Variants in TNRC6C observed in about 807,000 individuals in gnomAD.
The protein encoded by TNRC6C is trinucleotide repeat containing adaptor 6C.
TNRC6C carries 20 observed loss-of-function variants against 153.7 expected under a neutral mutation model. The observed-to-expected ratio is 0.13, with a 90% CI of 0.09 to 0.19. TNRC6C has a LOEUF of 0.19. TNRC6C is among the 10% of genes least tolerant of loss of function. TNRC6C has a pLI of 1.00. For missense variants in TNRC6C, 1,987 were observed against 2,172.0 expected (o/e 0.91, Z 1.69); for synonymous variants, 811 against 841.4 (o/e 0.96, Z 0.63).
chr17:78,031,518 C>T, exon 2 of TNRC6C: 1 of 1,232,042 alleles, frequency 8.1e-7, no homozygotes, highest in Non-Finnish European at 1.0e-6. Context: ...CATTTTAGTG[C>T]CAGAACCTAC....
intron 1 of TNRC6C, among the ~76,000 whole-genome samples, chr17:78,027,033 G>A (rs144662661): frequency 3.8e-4 from 58 of 152,216 alleles, no homozygotes; most frequent in African/African-American, 1.3e-3. Context: ...AAGTATAAAA[G>A]AGTGGACAAC....
intron 1 of TNRC6C, among the ~76,000 whole-genome samples, chr17:78,023,370 G>T (rs1406104464): frequency 6.6e-6 from 1 of 152,146 alleles, no homozygotes; most frequent in Non-Finnish European, 1.5e-5. Context: ...AAAAATTTCT[G>T]TAGCTTGCTA....
intron 4 of TNRC6C, 113 bp from the exon 7 acceptor site, chr17:78,067,644 G>T (rs1046337046): frequency 1.7e-6 from 2 of 1,149,374 alleles, no homozygotes; most frequent in Non-Finnish European, 2.4e-6. Flanking sequence ...GGCATAAAAA[G>T]GTAGATTACA....
chr17:78,093,794 G>A, intron 16 of TNRC6C, 31 bp downstream of exon 18: 1 of 1,612,686 alleles, frequency 6.2e-7, no homozygotes, highest in Non-Finnish European at 8.5e-7. Context: ...GCCTCTGCAT[G>A]GACGGTCTCT....
At chr17:78,000,102 AG>A (rs1168013347), upstream of TNRC6C, among the ~76,000 whole-genome samples, 1 of 152,182 alleles carries the variant, frequency 6.6e-6, no homozygotes, top group Non-Finnish European at 1.5e-5. Flanking sequence ...CCCCAAGTCC[AG>A]GTGTCATGCT....
At chr17:77,961,695 A>C (rs1448465639) in intron 1 of TNRC6C, among the ~76,000 whole-genome samples, 1 of 152,150 alleles carries the variant, frequency 6.6e-6, no homozygotes, top group African/African-American at 2.4e-5. Flanking sequence ...TTACATTTAT[A>C]TTTAGTTGGC....
chr17:78,016,580 G>C (rs138729702), intron 1 of TNRC6C, among the ~76,000 whole-genome samples: 1 of 152,138 alleles, frequency 6.6e-6, no homozygotes, highest in Non-Finnish European at 1.5e-5. Context: ...AAATTAAGGG[G>C]GGTGGTTTAG....
chr17:77,989,837 G>T (rs980980860), intron 1 of TNRC6C, among the ~76,000 whole-genome samples: 1 of 151,994 alleles, frequency 6.6e-6, no homozygotes, highest in Non-Finnish European at 1.5e-5. Flanking sequence ...CCCATCTCAG[G>T]CCCTCTTTCC....
chr17:78,098,938 T>A (rs1377507463), intron 17 of TNRC6C, among the ~76,000 whole-genome samples: 3 of 152,188 alleles, frequency 2.0e-5, no homozygotes, highest in African/African-American at 7.2e-5. Context: ...GCTTTTTATA[T>A]TTGCTTCTCC....
Position 77,992,237 on chromosome 17 carries a change from C to T in TNRC6C, c.-37-11933C>T, listed in dbSNP as rs576813053. On this transcript the variant is annotated intron_variant, in intron 1 of 22. Coordinates refer to the TNRC6C transcript ENST00000636222. ...AAAACCGGCCGGGCGCGGTGGCTCACGCCTGTAATCCCAGCACTTTGGGAG... is the reference window on the plus strand; with the variant it reads ...AAAACCGGCCGGGCGCGGTGGCTCATGCCTGTAATCCCAGCACTTTGGGAG... 1.2e-4 allele frequency among the ~76,000 whole-genome samples: 6 copies of T among 50,484 alleles called. 2 individuals are homozygous for T. The highest frequency in any genetic ancestry group is 9.3e-4 in the Admixed American group (5 of 5,368). 33.1% of individuals were successfully genotyped at this position (50,484 alleles called of 152,430 possible).
intron 1 of TNRC6C, among the ~76,000 whole-genome samples, chr17:78,028,946 C>T (rs935094589): frequency 3.9e-5 from 6 of 152,150 alleles, no homozygotes; most frequent in Non-Finnish European, 7.3e-5. Context: ...TACATGTCGG[C>T]GTGCAGAATT....
chr17:78,046,480 G>T (rs1347242384), intron 2 of TNRC6C, among the ~76,000 whole-genome samples: 1 of 152,116 alleles, frequency 6.6e-6, no homozygotes, highest in African/African-American at 2.4e-5. Context: ...GCCTGGCCGG[G>T]AATTCTTTAA....
chr17:78,005,167 T>A, intron 1 of TNRC6C, 88 bp downstream of exon 3: 3 of 888,396 alleles, frequency 3.4e-6, no homozygotes, highest in Non-Finnish European at 4.4e-6. Context: ...AATTGATGGT[T>A]AAAAAACGAG....
At position 78,107,958 on chromosome 17, in the gene TNRC6C, G is replaced by A. The variant is rs191467954; in HGVS notation, c.*3113G>A. On this transcript the variant is annotated 3_prime_UTR_variant, in exon 20 of 20. Transcript: ENST00000301624. The stretch of plus-strand genomic sequence containing the variant: ...TTTCACCAAGCACTTTGAGCACAGT[G>A]GAACTTCAGAAGCACAACCAGCCTA... 38 of 152,316 alleles carry A rather than the reference G, an allele frequency of 2.5e-4. 1 individual carries two copies. Among genetic ancestry groups the A allele is most frequent in the Admixed American group, 1.6e-3 (24 of 15,296 alleles). The allele number at this position is 152,316 out of a possible 1,614,324, so 9.4% of individuals were successfully genotyped here.
At chr17:77,958,869 C>T (rs1239734788), upstream of TNRC6C, among the ~76,000 whole-genome samples, 3 of 146,730 alleles carry the variant, frequency 2.0e-5, no homozygotes, top group South Asian at 2.1e-4. Flanking sequence ...CCGCCGTCAC[C>T]GTCGCAGTAG....
At chr17:78,101,831 C>T (rs1170286757) in intron 17 of TNRC6C, among the ~76,000 whole-genome samples, 1 of 152,176 alleles carries the variant, frequency 6.6e-6, no homozygotes, top group Non-Finnish European at 1.5e-5. Flanking sequence ...GCCTGGTGTT[C>T]CTTGCCCTCA....
intron 2 of TNRC6C, among the ~76,000 whole-genome samples, chr17:78,040,414 A>C (rs769337965): frequency 4.1e-4 from 63 of 152,364 alleles, no homozygotes; most frequent in Non-Finnish European, 1.8e-4. Context: ...ATTTATAAAC[A>C]GAGGCTTTGA....
intron 1 of TNRC6C, among the ~76,000 whole-genome samples, chr17:77,984,388 G>T (rs1028974051): frequency 6.6e-6 from 1 of 151,718 alleles, no homozygotes; most frequent in Non-Finnish European, 1.5e-5. Flanking sequence ...AAACAGCCAC[G>T]TGTGGTGGCG....
intron 2 of TNRC6C, among the ~76,000 whole-genome samples, chr17:78,047,950 G>A (rs1425031557): frequency 1.3e-5 from 2 of 151,952 alleles, no homozygotes; most frequent in African/African-American, 4.8e-5. Flanking sequence ...ATCCAAACAG[G>A]GGATTCTTTA....
Sources: allele counts gnomAD v4.1 joint callset (sites outside exome capture counted in the v4.1 genomes callset), GRCh38; gene constraint gnomAD v4.1.1; transcripts MANE v1.5; gene names NCBI Gene and HGNC (gene_info 2026-07-23, HGNC 2026-07-21).